Variants in RPS6KA2 observed in about 807,000 individuals in gnomAD.
RPS6KA2 encodes the protein ribosomal protein S6 kinase A2, also known as ribosomal protein S6 kinase alpha-2.
A neutral mutation model predicts 91.8 loss-of-function variants in RPS6KA2; 42 were observed. That is an observed-to-expected ratio of 0.46 (90% CI 0.36 to 0.59). The LOEUF (loss-of-function observed/expected upper bound fraction) is 0.59. Ranked by LOEUF, RPS6KA2 falls within the 20% of genes least tolerant of loss-of-function variation. RPS6KA2 has a pLI of 0.00. For synonymous variants in RPS6KA2, 414 were observed against 393.6 expected, an observed-to-expected ratio of 1.05 and a Z score of -0.61; for missense variants, 798 against 978.5, an observed-to-expected ratio of 0.82 and a Z score of 2.46.
intron 15 of RPS6KA2, among the ~76,000 whole-genome samples, chr6:166,431,507 C>A (rs78629120): frequency 0.03 from 4,506 of 152,308 alleles, 216 homozygotes; most frequent in African/African-American, 0.1. Flanking sequence ...GGCGAAGTTA[C>A]ATATCAGAGC....
intron 2 of RPS6KA2, among the ~76,000 whole-genome samples, chr6:166,850,386 T>A (rs1365057253): frequency 6.6e-6 from 1 of 152,046 alleles, no homozygotes; most frequent in Admixed American, 6.5e-5. Context: ...AAATTGTCCA[T>A]CTAGGATTAA....
At chr6:166,558,790 G>A (rs185871948) in intron 1 of RPS6KA2, among the ~76,000 whole-genome samples, 2 of 152,276 alleles carry the variant, frequency 1.3e-5, no homozygotes, top group Admixed American at 6.5e-5. Flanking sequence ...CTACAGTCAC[G>A]GAGCATCACA....
rs187818880 is a variant in RPS6KA2 at position 166,648,511 on chromosome 6, G to A, written c.124-109727C>T. Among the ~76,000 whole-genome samples the A allele has an allele frequency of 6.6e-6, 1 of 152,266 alleles. No homozygotes were observed. The highest frequency in any genetic ancestry group is 1.9e-4 in the East Asian group (1 of 5,188). Reference sequence around the variant, plus strand: ...CATTTGACAAACAGGCAGCTGGCACGGGAAGGGGACGGGCATTTAATAAAT... The same window carrying A: ...CATTTGACAAACAGGCAGCTGGCACAGGAAGGGGACGGGCATTTAATAAAT... On this transcript the variant is annotated intron_variant, in intron 2 of 21. Transcript: ENST00000503859. This position sits in a 1 kb window ranked among gnomAD's most constrained non-coding sequence, Gnocchi z 4.8.
chr6:166,791,653 A>G (rs1248847788), intron 2 of RPS6KA2, among the ~76,000 whole-genome samples: 2 of 152,138 alleles, frequency 1.3e-5, no homozygotes, highest in Non-Finnish European at 2.9e-5. Flanking sequence ...AACAGAAATT[A>G]CAACAAACTG....
chr6:166,764,454 C>T (rs937041521), intron 2 of RPS6KA2, among the ~76,000 whole-genome samples: 1 of 152,076 alleles, frequency 6.6e-6, no homozygotes, highest in African/African-American at 2.4e-5. Flanking sequence ...ACACGGGGCC[C>T]GCGCTTCCCT....
rs148310527 is a variant in RPS6KA2, at chr6:166,554,008, C to T, written c.100-15224G>A. Among the ~76,000 whole-genome samples the T allele has an allele frequency of 1.2e-3, 185 of 152,268 alleles. No homozygotes were observed. Among genetic ancestry groups the T allele is most frequent in the African/African-American group, 4.3e-3 (180 of 41,548 alleles). ...TGCGTATTTCAGAAGGAGCTCTCAC[C>T]TACAGGCTACCCCGAGGCAGTGGCT... On this transcript the variant is annotated intron_variant, in intron 1 of 20. Coordinates refer to ENST00000265678, the MANE Select transcript of RPS6KA2 (RefSeq NM_021135.6). The surrounding 1 kb of genome is among the most constrained non-coding windows in gnomAD (Gnocchi z 4.3).
intron 1 of RPS6KA2, among the ~76,000 whole-genome samples, chr6:166,551,483 C>A (rs569460798): frequency 6.6e-6 from 1 of 152,146 alleles, no homozygotes; most frequent in African/African-American, 2.4e-5. Context: ...GGAAGCCCTA[C>A]GAAAAACAAT....
chr6:166,757,396 T>C (rs1310996326), intron 2 of RPS6KA2: 2 of 411,838 alleles, frequency 4.9e-6, no homozygotes, highest in African/African-American at 4.1e-5. Context: ...TCATGATCTG[T>C]GAGATTCCAC....
chr6:166,850,954 G>A (rs1780724322), intron 2 of RPS6KA2, among the ~76,000 whole-genome samples: 1 of 152,004 alleles, frequency 6.6e-6, no homozygotes, highest in South Asian at 2.1e-4. Flanking sequence ...TGCCCCCATT[G>A]TTGAGTACAC....
chr6:166,819,222 T>C (rs1389350465), intron 2 of RPS6KA2, among the ~76,000 whole-genome samples: 2 of 152,210 alleles, frequency 1.3e-5, no homozygotes, highest in African/African-American at 4.8e-5. Flanking sequence ...ATTCCATCTA[T>C]GTGTTGGTTT....
chr6:166,640,635 G>A (rs1453812158), intron 2 of RPS6KA2, among the ~76,000 whole-genome samples: 2 of 152,362 alleles, frequency 1.3e-5, no homozygotes, highest in South Asian at 2.1e-4. Context: ...AAACAAGGGG[G>A]AAATCTCTTC....
intron 2 of RPS6KA2, among the ~76,000 whole-genome samples, chr6:166,820,455 A>G (rs1343198248): frequency 9.8e-6 from 1 of 101,530 alleles, no homozygotes; most frequent in Non-Finnish European, 2.5e-5. Flanking sequence ...CTGGGATTTA[A>G]TGAGAAGCCT....
chr6:166,457,163 G>A (rs1780132302), intron 12 of RPS6KA2, among the ~76,000 whole-genome samples: 2 of 152,204 alleles, frequency 1.3e-5, no homozygotes, highest in Admixed American at 1.3e-4. Context: ...GTTCTGTTAG[G>A]GACCTTATGG....
At chr6:166,850,192 A>C (rs1465183566) in intron 2 of RPS6KA2, among the ~76,000 whole-genome samples, 1 of 120,020 alleles carries the variant, frequency 8.3e-6, no homozygotes, top group Admixed American at 8.4e-5. Context: ...TGTACATTAC[A>C]AGGGTACAAG....
chr6:166,841,630 C>T (rs1780481618), intron 2 of RPS6KA2, among the ~76,000 whole-genome samples: 2 of 152,264 alleles, frequency 1.3e-5, no homozygotes, highest in Non-Finnish European at 2.9e-5. Context: ...CCTCCAGAGG[C>T]CCACAGCCGA....
At chr6:166,702,563 G>T in intron 2 of RPS6KA2, 1 of 1,429,040 alleles carries the variant, frequency 7.0e-7, no homozygotes, top group Non-Finnish European at 9.9e-7. Flanking sequence ...ACCTCCCACT[G>T]TAAGTGAGGA....
chr6:166,799,356 G>T (rs931167318), intron 2 of RPS6KA2, among the ~76,000 whole-genome samples: 1 of 152,104 alleles, frequency 6.6e-6, no homozygotes, highest in Non-Finnish European at 1.5e-5. Context: ...ATAATTCAAA[G>T]AAACAACATT....
intron 1 of RPS6KA2, among the ~76,000 whole-genome samples, chr6:166,542,768 G>A (rs1380013282): frequency 6.6e-6 from 1 of 152,166 alleles, no homozygotes. Flanking sequence ...CTCTCTCTGG[G>A]CCAAAGTCGC....
chr6:166,657,510 G>A (rs1788036721), intron 2 of RPS6KA2, among the ~76,000 whole-genome samples: 1 of 152,206 alleles, frequency 6.6e-6, no homozygotes, highest in African/African-American at 2.4e-5. Flanking sequence ...CTCATTGCCT[G>A]AAACTAACGA....
Sources: allele counts gnomAD v4.1 joint callset (sites outside exome capture counted in the v4.1 genomes callset), GRCh38; gene constraint gnomAD v4.1.1; non-coding constraint Gnocchi (gnomAD v3.1); transcripts MANE v1.5; gene names NCBI Gene and HGNC (gene_info 2026-07-23, HGNC 2026-07-21).